APBA1: variants seen among roughly 807,000 people sequenced by gnomAD.
APBA1 encodes amyloid beta precursor protein binding family A member 1.
APBA1 carries 55 observed loss-of-function variants against 86.6 expected under a neutral mutation model. That is an observed-to-expected ratio of 0.64 (90% CI 0.51 to 0.80). APBA1 has a LOEUF of 0.80. APBA1 is among the 30% of genes least tolerant of loss of function. The pLI, the probability that APBA1 is intolerant of heterozygous loss-of-function variation, is 0.00. For missense variants in APBA1, 1,090 were observed against 1,183.0 expected (o/e 0.92, Z 1.15); for synonymous variants, 511 against 493.9 (o/e 1.03, Z -0.46).
chr9:69,623,528 TCAAAGA>T (rs1332402085), intron 1 of APBA1, among the ~76,000 whole-genome samples: 2 of 152,022 alleles, frequency 1.3e-5, no homozygotes. Context: ...AGTGGATGGG[TCAAAGA>T]AAATGCTCCC....
At chr9:69,538,742 T>A (rs2133915330) in intron 1 of APBA1, among the ~76,000 whole-genome samples, 1 of 152,328 alleles carries the variant, frequency 6.6e-6, no homozygotes, top group South Asian at 2.1e-4. Flanking sequence ...GTCAAAAAGA[T>A]TCTACTTAGA....
At chr9:69,632,958 G>A (rs888046336) in intron 1 of APBA1, among the ~76,000 whole-genome samples, 9 of 151,760 alleles carry the variant, frequency 5.9e-5, no homozygotes, top group African/African-American at 2.2e-4. Flanking sequence ...TCAGAGTATC[G>A]ATTCCTCTAG....
chr9:69,442,398 C>G (rs1056269089), intron 10 of APBA1, among the ~76,000 whole-genome samples: 4 of 151,950 alleles, frequency 2.6e-5, no homozygotes, highest in African/African-American at 9.7e-5. Context: ...GGACTCCCAT[C>G]TATAAGGCCA....
intron 1 of APBA1, among the ~76,000 whole-genome samples, chr9:69,583,419 T>C (rs1821955197): frequency 6.6e-6 from 1 of 152,162 alleles, no homozygotes. Context: ...CACAACCCTG[T>C]ACAGAAATCC....
intron 2 of APBA1, among the ~76,000 whole-genome samples, chr9:69,489,161 G>C (rs139675109): frequency 6.6e-6 from 1 of 151,978 alleles, no homozygotes. Context: ...AGAAAAGCCC[G>C]CATTGCCAAG....
chr9:69,531,522 A>T (rs1836433601), intron 1 of APBA1, among the ~76,000 whole-genome samples: 1 of 151,806 alleles, frequency 6.6e-6, no homozygotes, highest in African/African-American at 2.4e-5. Context: ...CCTCACTGTC[A>T]TTGCACCTGC....
At chr9:69,658,842 C>CGAATTTATGT (rs1823695688) in intron 1 of APBA1, among the ~76,000 whole-genome samples, 4 of 152,060 alleles carry the variant, frequency 2.6e-5, no homozygotes, top group African/African-American at 9.7e-5. Context: ...CCAACAGACC[C>CGAATTTATGT]CCTCTCTTAA....
chr9:69,623,522 G>A (rs778798163), intron 1 of APBA1, among the ~76,000 whole-genome samples: 1 of 152,126 alleles, frequency 6.6e-6, no homozygotes, highest in African/African-American at 2.4e-5. Context: ...GCAGGAAGTG[G>A]ATGGGTCAAA....
Position 69,456,424 on chromosome 9 carries a change from C to T in APBA1, c.1611G>A (p.Met537Ile). ...AAATGGTCCTCAGAGGGTGGTCCAT[C>T]ATTGTCTCCTGGAGGCAGGAAGAGA... ...KVLNADTQET[M>I]MDHPLRTISY... Residue 537 changes from methionine (M) to isoleucine (I), a missense_variant, in exon 8 of 13, where the codon ATG becomes ATA. Coordinates refer to ENST00000265381, the MANE Select transcript of APBA1 (RefSeq NM_001163.4). 1.3e-6 allele frequency: 2 copies of T among 1,596,130 alleles called. No individual in the cohort carries two copies. The highest frequency in any genetic ancestry group is 2.7e-5 in the African/African-American group (2 of 74,756).
intron 2 of APBA1, among the ~76,000 whole-genome samples, chr9:69,502,736 C>G (rs1404609412): frequency 1.3e-5 from 2 of 152,044 alleles, no homozygotes; most frequent in African/African-American, 4.8e-5. Flanking sequence ...GACCATTTAC[C>G]TACATAAGTA....
At chr9:69,573,552 T>A (rs1413436858) in intron 1 of APBA1, among the ~76,000 whole-genome samples, 1 of 152,252 alleles carries the variant, frequency 6.6e-6, no homozygotes, top group African/African-American at 2.4e-5. Context: ...CTTAAGATTT[T>A]GATTTTACAT....
At position 69,516,302 on chromosome 9, in the gene APBA1, G is replaced by T. The variant is rs146374345; in HGVS notation, c.909C>A (p.Pro303=). 6.4e-7 allele frequency: 1 copy of T among 1,567,958 alleles called. No homozygotes were observed. The highest frequency in any genetic ancestry group is 1.8e-5 in the Admixed American group (1 of 56,468). The part of the protein sequence containing the change: ...MPEAEQDLER[P]PTPAGGRPDS... ...CGGGGCGACCCCCGGCCGGGGTAGG[G>T]GGACGCTCCAGGTCCTGCTCGGCCT... The change falls in exon 2 of 13, where the codon CCC becomes CCA. Residue 303 remains proline (P), a synonymous_variant. Coordinates refer to ENST00000265381, the MANE Select transcript of APBA1 (RefSeq NM_001163.4). The surrounding 1 kb of genome is among the most constrained non-coding windows in gnomAD (Gnocchi z 7.3).
intron 1 of APBA1, among the ~76,000 whole-genome samples, chr9:69,649,943 A>T (rs1202758350): frequency 1.3e-5 from 2 of 152,220 alleles, no homozygotes; most frequent in Non-Finnish European, 2.9e-5. Context: ...GGAATATATT[A>T]AAGTAATAAT....
chr9:69,483,134 G>GACAAAAAA (rs1491358783), intron 2 of APBA1, among the ~76,000 whole-genome samples: 8 of 32,108 alleles, frequency 2.5e-4, no homozygotes, highest in East Asian at 2.3e-3. Context: ...AAAAAATTAA[G>GACAAAAAA]TCAAAAAAAC....
intron 2 of APBA1, among the ~76,000 whole-genome samples, chr9:69,485,046 G>A (rs932647056): frequency 6.6e-6 from 1 of 151,824 alleles, no homozygotes; most frequent in East Asian, 1.9e-4. Flanking sequence ...GAACTCCTGG[G>A]CTCAAGCAAT....
intron 1 of APBA1, among the ~76,000 whole-genome samples, chr9:69,568,901 T>C (rs1316543953): frequency 6.6e-6 from 1 of 152,196 alleles, no homozygotes; most frequent in Non-Finnish European, 1.5e-5. Context: ...GCTCTATTAC[T>C]TCCAGCTAAG....
chr9:69,536,407 C>T (rs999144177), intron 1 of APBA1, among the ~76,000 whole-genome samples: 2 of 151,838 alleles, frequency 1.3e-5, no homozygotes, highest in Non-Finnish European at 2.9e-5. Flanking sequence ...TTGATTCCTC[C>T]ACACGCCTGT....
At chr9:69,448,020 C>T (rs932357999) in intron 10 of APBA1, among the ~76,000 whole-genome samples, 2 of 152,100 alleles carry the variant, frequency 1.3e-5, no homozygotes, top group South Asian at 2.1e-4. Flanking sequence ...CCCACCCCCC[C>T]GCTTGCCTCT....
intron 4 of APBA1, among the ~76,000 whole-genome samples, chr9:69,469,457 T>C (rs1448182933): frequency 6.6e-6 from 1 of 152,208 alleles, no homozygotes; most frequent in Non-Finnish European, 1.5e-5. Flanking sequence ...AAAAGTGTTT[T>C]AGGAAAGGCT....
Sources: gnomAD v4.1 joint callset for allele counts (sites outside exome capture counted in the v4.1 genomes callset) on GRCh38, gnomAD v4.1.1 for gene constraint, Gnocchi (gnomAD v3.1) non-coding constraint, MANE v1.5 for transcripts, NCBI Gene and HGNC (gene_info 2026-07-23, HGNC 2026-07-21) for gene names.